Variants in CCDC192 observed in about 807,000 individuals in gnomAD.
CCDC192 encodes coiled-coil domain containing 192.
At chr5:127,776,311 T>C (rs952329774) in intron 3 of CCDC192, among the ~76,000 whole-genome samples, 4 of 152,196 alleles carry the variant, frequency 2.6e-5, no homozygotes, top group African/African-American at 9.7e-5. Context: ...ACTGGTGGCA[T>C]TTTGCCCCTG....
intron 6 of CCDC192, among the ~76,000 whole-genome samples, chr5:127,900,692 A>C (rs1296841318): frequency 6.6e-6 from 1 of 152,216 alleles, no homozygotes; most frequent in African/African-American, 2.4e-5. Flanking sequence ...TGCACCTCTA[A>C]TTAAATTAAA....
intron 3 of CCDC192, among the ~76,000 whole-genome samples, chr5:127,777,474 G>A (rs1013603399): frequency 6.6e-6 from 1 of 152,200 alleles, no homozygotes; most frequent in African/African-American, 2.4e-5. Flanking sequence ...TCTCAGATGA[G>A]ACTTTGGACT....
chr5:127,720,748 A>G (rs1751973345), intron 2 of CCDC192, among the ~76,000 whole-genome samples: 2 of 152,116 alleles, frequency 1.3e-5, no homozygotes, highest in East Asian at 1.9e-4. Flanking sequence ...CTAAGCCTCA[A>G]CTCTCATATT....
intron 3 of CCDC192, among the ~76,000 whole-genome samples, chr5:127,760,701 CAA>C (rs56177728): frequency 1.1e-3 from 58 of 54,904 alleles, no homozygotes; most frequent in African/African-American, 2.7e-3. Flanking sequence ...GATTCTGTCT[CAA>C]AAAAAAAAAA....
intron 6 of CCDC192, among the ~76,000 whole-genome samples, chr5:127,902,993 T>A (rs1753085029): frequency 6.6e-6 from 1 of 152,158 alleles, no homozygotes; most frequent in South Asian, 2.1e-4. Flanking sequence ...GCTTTTTTAT[T>A]AAAAATCTCA....
chr5:127,733,655 A>G (rs1265522518), intron 2 of CCDC192, among the ~76,000 whole-genome samples: 2 of 152,142 alleles, frequency 1.3e-5, no homozygotes, highest in African/African-American at 4.8e-5. Context: ...ATTATCTTGC[A>G]GATTCTGAGG....
chr5:127,750,405 T>G (rs1417713619), intron 2 of CCDC192, among the ~76,000 whole-genome samples: 1 of 152,172 alleles, frequency 6.6e-6, no homozygotes, highest in African/African-American at 2.4e-5. Flanking sequence ...TTGTTCAGTT[T>G]CCATGTAGTT....
chr5:127,726,215 A>G (rs1752311897), intron 2 of CCDC192, among the ~76,000 whole-genome samples: 1 of 152,190 alleles, frequency 6.6e-6, no homozygotes, highest in Non-Finnish European at 1.5e-5. Flanking sequence ...TTAAGAAATA[A>G]TAAAATTCAC....
chr5:127,903,708 A>T (rs245221), intron 6 of CCDC192, among the ~76,000 whole-genome samples: 104,353 of 152,106 alleles, frequency 0.69, 35,822 homozygotes, highest in African/African-American at 0.7. Flanking sequence ...AAAATAGCTG[A>T]TCATTACAAA....
At chr5:127,877,600 C>T (rs1752133422) in intron 6 of CCDC192, among the ~76,000 whole-genome samples, 1 of 152,146 alleles carries the variant, frequency 6.6e-6, no homozygotes, top group Non-Finnish European at 1.5e-5. Flanking sequence ...TGCAGCCTCA[C>T]CCACATTCAA....
At chr5:127,849,525 C>T (rs556441459) in intron 5 of CCDC192, among the ~76,000 whole-genome samples, 4 of 152,286 alleles carry the variant, frequency 2.6e-5, no homozygotes, top group East Asian at 1.9e-4. Flanking sequence ...AGAGTGATTT[C>T]GTCGGCCCTG....
intron 3 of CCDC192, among the ~76,000 whole-genome samples, chr5:127,778,637 T>C (rs1233476383): frequency 6.6e-6 from 1 of 152,228 alleles, no homozygotes; most frequent in Non-Finnish European, 1.5e-5. Context: ...CCTTATCTTC[T>C]GTATTTTGGA....
intron 3 of CCDC192, among the ~76,000 whole-genome samples, chr5:127,791,861 A>G (rs1756884029): frequency 6.6e-6 from 1 of 152,236 alleles, no homozygotes; most frequent in Admixed American, 6.5e-5. Context: ...GACAGAAACC[A>G]TTCTTCAGGA....
intron 5 of CCDC192, among the ~76,000 whole-genome samples, chr5:127,807,241 A>C (rs1757840235): frequency 1.3e-5 from 2 of 152,212 alleles, no homozygotes; most frequent in African/African-American, 4.8e-5. Context: ...ATGAGATTAT[A>C]GTTTATAATT....
intron 3 of CCDC192, among the ~76,000 whole-genome samples, chr5:127,765,300 C>A (rs1488709847): frequency 6.6e-6 from 1 of 152,166 alleles, no homozygotes; most frequent in African/African-American, 2.4e-5. Flanking sequence ...TTTATTAAAC[C>A]AGACATTAAG....
chr5:127,891,421 C>G (rs1752728221), intron 6 of CCDC192, among the ~76,000 whole-genome samples: 1 of 152,188 alleles, frequency 6.6e-6, no homozygotes, highest in South Asian at 2.1e-4. Flanking sequence ...TATCTTTCAT[C>G]TTTCCACTAC....
At chr5:127,910,228 G>A (rs559625691) in intron 6 of CCDC192, among the ~76,000 whole-genome samples, 1 of 152,196 alleles carries the variant, frequency 6.6e-6, no homozygotes, top group African/African-American at 2.4e-5. Context: ...TCAAGATGAT[G>A]AATGTAAAAT....
chr5:127,819,819 C>G (rs1378744160), intron 5 of CCDC192, among the ~76,000 whole-genome samples: 1 of 152,176 alleles, frequency 6.6e-6, no homozygotes, highest in Non-Finnish European at 1.5e-5. Context: ...CTTTGTCATA[C>G]TTTAGGCAGA....
At chr5:127,858,762 G>C (rs1335777216) in intron 5 of CCDC192, among the ~76,000 whole-genome samples, 1 of 152,166 alleles carries the variant, frequency 6.6e-6, no homozygotes, top group African/African-American at 2.4e-5. Context: ...GAACTCATAT[G>C]ACCATTGCAC....
Sources: allele counts gnomAD v4.1 joint callset (sites outside exome capture counted in the v4.1 genomes callset), GRCh38; gene constraint gnomAD v4.1.1; transcripts MANE v1.5; gene names NCBI Gene and HGNC (gene_info 2026-07-23, HGNC 2026-07-21).